The following TCF12 variants were observed in gnomAD, a reference collection of about 807,000 sequenced individuals.
TCF12 encodes the protein transcription factor 12.
Under a neutral mutation model 86.0 loss-of-function variants are expected in TCF12, and 45 were observed. The observed-to-expected ratio is 0.52, with a 90% confidence interval of 0.41 to 0.67. The LOEUF is 0.67. Among genes scored for constraint, TCF12 ranks in the 30% least tolerant of loss-of-function variants. TCF12 has a pLI of 0.00. For synonymous variants in TCF12, 330 were observed against 299.6 expected (o/e 1.10, Z -1.05); for missense variants, 881 against 859.9 (o/e 1.02, Z -0.31).
chr15:56,991,038 C>T (rs1226767073), intron 3 of TCF12, among the ~76,000 whole-genome samples: 1 of 152,096 alleles, frequency 6.6e-6, no homozygotes, highest in Non-Finnish European at 1.5e-5. Context: ...TTAATCAGTC[C>T]TCCCACCTCA....
intron 3 of TCF12, among the ~76,000 whole-genome samples, chr15:57,056,116 G>GGTGTGTGTGTGTGTGTGTGTGTGT (rs137934114): frequency 7.0e-6 from 1 of 143,238 alleles, no homozygotes; most frequent in African/African-American, 2.7e-5. Context: ...TAGTTTTAGG[G>GGTGTGTGTGTGTGTGTGTGTGTGT]GTGTGTGTGT....
intron 19 of TCF12, among the ~76,000 whole-genome samples, chr15:57,279,980 G>A (rs569029981): frequency 4.2e-5 from 6 of 142,754 alleles, no homozygotes; most frequent in Admixed American, 3.0e-4. Flanking sequence ...TGCAGACTCC[G>A]TCTCCCCAGT....
chr15:56,931,861 T>C lies in TCF12; in HGVS notation c.148+10763T>C, dbSNP rs145384437. On this transcript the variant is annotated intron_variant, in intron 3 of 20. Coordinates refer to ENST00000333725, the MANE Select transcript of TCF12 (RefSeq NM_207037.2). ...TAGACCAGTAAGCCATTGACTTTTC[T>C]GGTGGCTTTGCAAGCCTGTTGCTTG... is the stretch of plus-strand genomic sequence containing the variant. Among the ~76,000 whole-genome samples the C allele has an allele frequency of 1.7e-3, 263 of 152,322 alleles. 1 individual carries two copies. The highest frequency in any genetic ancestry group is 6.1e-3 in the African/African-American group (253 of 41,586).
chr15:57,098,499 G>A (rs943319087), intron 5 of TCF12, among the ~76,000 whole-genome samples: 1 of 152,068 alleles, frequency 6.6e-6, no homozygotes, highest in African/African-American at 2.4e-5. Context: ...ACAGAGGAAA[G>A]TACTGTATGG....
chr15:57,198,891 G>T (rs1024378164), intron 8 of TCF12, among the ~76,000 whole-genome samples: 10 of 152,170 alleles, frequency 6.6e-5, no homozygotes, highest in African/African-American at 2.4e-4. Context: ...TTTTATTAAG[G>T]CTGAAGTAGA....
intron 5 of TCF12, among the ~76,000 whole-genome samples, chr15:57,155,173 G>T (rs1356973950): frequency 6.6e-6 from 1 of 152,132 alleles, no homozygotes; most frequent in African/African-American, 2.4e-5. Flanking sequence ...GTTACAGAAT[G>T]TTGGGATTTT....
rs867154896 is a variant in TCF12, at chr15:57,194,494, G to A, written c.526+2201G>A. Among the ~76,000 whole-genome samples the A allele has an allele frequency of 3.4e-4, 52 of 152,208 alleles. No homozygotes were observed. In the Middle Eastern group the frequency reaches 0.01, roughly 30 times the overall value. On this transcript the variant is annotated intron_variant, in intron 7 of 20. Coordinates refer to ENST00000333725, the MANE Select transcript of TCF12 (RefSeq NM_207037.2). ...TTATGGCTGTTTCTCATTGTTAGCC[G>A]CTCTTTCTTAGCATTACAGTTATTG... is the stretch of plus-strand genomic sequence containing the variant.
intron 19 of TCF12, among the ~76,000 whole-genome samples, chr15:57,274,513 G>T (rs1039784570): frequency 6.6e-6 from 1 of 152,206 alleles, no homozygotes; most frequent in Non-Finnish European, 1.5e-5. Flanking sequence ...TAAGGAGGCA[G>T]ATTGTTACCC....
At chr15:57,056,951 G>T (rs1472944285) in intron 3 of TCF12, among the ~76,000 whole-genome samples, 2 of 151,916 alleles carry the variant, frequency 1.3e-5, no homozygotes, top group African/African-American at 2.4e-5. Context: ...TTGAGATTGG[G>T]TTACATATTA....
chr15:57,194,067 C>A (rs1213393902), intron 7 of TCF12, among the ~76,000 whole-genome samples: 1 of 151,948 alleles, frequency 6.6e-6, no homozygotes, highest in Non-Finnish European at 1.5e-5. Context: ...TATACTGTGA[C>A]AAAAAGCACT....
At chr15:56,965,093 C>G (rs2140638593) in intron 3 of TCF12, among the ~76,000 whole-genome samples, 1 of 152,078 alleles carries the variant, frequency 6.6e-6, no homozygotes, top group East Asian at 1.9e-4. Flanking sequence ...TTAGGAGATG[C>G]CTACAGTGGA....
chr15:57,182,112 G>T (rs1327103412), intron 6 of TCF12, among the ~76,000 whole-genome samples: 3 of 152,086 alleles, frequency 2.0e-5, no homozygotes, highest in African/African-American at 7.2e-5. Context: ...CTCTGGGATC[G>T]TTCTGTATTC....
chr15:56,979,290 TTTTTGG>T (rs1222739097), intron 3 of TCF12, among the ~76,000 whole-genome samples: 9 of 152,214 alleles, frequency 5.9e-5, no homozygotes, highest in Admixed American at 3.3e-4. Flanking sequence ...AAATCATGTT[TTTTTGG>T]TCAGTTTTTA....
chr15:57,278,952 T>C (rs961555788), intron 19 of TCF12, among the ~76,000 whole-genome samples: 2 of 150,912 alleles, frequency 1.3e-5, no homozygotes, highest in African/African-American at 2.4e-5. Context: ...CTTTTTTTTT[T>C]TTCTCCTTTC....
intron 3 of TCF12, among the ~76,000 whole-genome samples, chr15:57,043,774 GT>G (rs1444294382): frequency 6.6e-6 from 1 of 152,054 alleles, no homozygotes; most frequent in Non-Finnish European, 1.5e-5. Flanking sequence ...ATTGTTTTTG[GT>G]TTAAGTTATT....
At chr15:56,925,095 A>C (rs981414295) in intron 3 of TCF12, among the ~76,000 whole-genome samples, 1 of 152,098 alleles carries the variant, frequency 6.6e-6, no homozygotes, top group Non-Finnish European at 1.5e-5. Flanking sequence ...GCTACTCAGG[A>C]GGCTGGGGTG....
At chr15:57,088,388 A>G (rs568294340) in intron 4 of TCF12, among the ~76,000 whole-genome samples, 7 of 152,034 alleles carry the variant, frequency 4.6e-5, no homozygotes, top group South Asian at 2.1e-4. Flanking sequence ...CAACTAACCT[A>G]TTTCTTTCAT....
At chr15:57,139,125 T>G (rs2052768057) in intron 5 of TCF12, among the ~76,000 whole-genome samples, 1 of 152,120 alleles carries the variant, frequency 6.6e-6, no homozygotes, top group African/African-American at 2.4e-5. Context: ...TCAGTCAGTC[T>G]CAGTCTGTTT....
chr15:57,028,549 GTTAAA>G (rs1567281414), intron 3 of TCF12, among the ~76,000 whole-genome samples: 4 of 151,984 alleles, frequency 2.6e-5, no homozygotes, highest in Non-Finnish European at 1.5e-5. Context: ...CCAGCTTTTT[GTTAAA>G]TTTAAAGGGC....
Sources: gnomAD v4.1 joint callset for allele counts (sites outside exome capture counted in the v4.1 genomes callset) on GRCh38, gnomAD v4.1.1 for gene constraint, MANE v1.5 for transcripts, NCBI Gene and HGNC (gene_info 2026-07-23, HGNC 2026-07-21) for gene names.